MICU2: variants seen among roughly 807,000 people sequenced by gnomAD.
The protein encoded by MICU2 is calcium uptake protein 2, mitochondrial.
A neutral mutation model predicts 60.4 loss-of-function variants in MICU2; 64 were observed. The ratio of observed to expected loss-of-function variants is 1.06; its 90% confidence interval spans 0.87 to 1.31. The LOEUF (loss-of-function observed/expected upper bound fraction) is 1.31. MICU2 is among the 50% of genes most tolerant of loss of function. The pLI is 0.00. For synonymous variants in MICU2, 201 were observed against 175.0 expected (o/e 1.15, Z -1.17); for missense variants, 569 against 531.0 (o/e 1.07, Z -0.70).
At chr13:21,541,004 T>C (rs1024450682) in intron 2 of MICU2, among the ~76,000 whole-genome samples, 6 of 152,186 alleles carry the variant, frequency 3.9e-5, no homozygotes, top group African/African-American at 1.2e-4. Context: ...CAAATAGTCA[T>C]TACCATGTAC....
At chr13:21,569,797 A>T (rs1404235472) in intron 1 of MICU2, among the ~76,000 whole-genome samples, 2 of 149,396 alleles carry the variant, frequency 1.3e-5, no homozygotes, top group Non-Finnish European at 3.0e-5. Context: ...AGTAGACACC[A>T]TTTTTGTCAT....
At chr13:21,574,835 T>G (rs1888187717) in intron 1 of MICU2, among the ~76,000 whole-genome samples, 1 of 152,248 alleles carries the variant, frequency 6.6e-6, no homozygotes, top group Admixed American at 6.5e-5. Context: ...AAGAAACCTT[T>G]ACAATCAGAA....
At chr13:21,534,857 C>T (rs1406700111) in intron 4 of MICU2, among the ~76,000 whole-genome samples, 1 of 152,038 alleles carries the variant, frequency 6.6e-6, no homozygotes, top group African/African-American at 2.4e-5. Context: ...AATGAGAAAG[C>T]ATAAGACTGT....
intron 1 of MICU2, among the ~76,000 whole-genome samples, chr13:21,579,089 A>G (rs908709925): frequency 3.3e-5 from 5 of 152,190 alleles, no homozygotes; most frequent in Non-Finnish European, 7.3e-5. Context: ...CTGTAATGAG[A>G]TATTTCTAAG....
intron 2 of MICU2, among the ~76,000 whole-genome samples, chr13:21,557,551 A>G (rs2798268): frequency 0.35 from 52,686 of 152,092 alleles, 9,500 homozygotes; most frequent in South Asian, 0.4. Flanking sequence ...TTTGCAAAAA[A>G]TCCAAAAAGA....
chr13:21,551,412 C>T (rs4423284), intron 2 of MICU2: 148,641 of 152,480 alleles, frequency 0.97, 72,550 homozygotes, highest in Middle Eastern at 1. Context: ...AGCAAGCACA[C>T]AGACTTCTTT....
chr13:21,587,317 TATTA>T (rs1285759191), intron 1 of MICU2, among the ~76,000 whole-genome samples: 1 of 152,304 alleles, frequency 6.6e-6, no homozygotes, highest in East Asian at 1.9e-4. Flanking sequence ...ACAAAATACT[TATTA>T]ATGAGTATAA....
At chr13:21,507,139 A>C (rs1472610753) in intron 8 of MICU2, among the ~76,000 whole-genome samples, 1 of 152,222 alleles carries the variant, frequency 6.6e-6, no homozygotes, top group Non-Finnish European at 1.5e-5. Flanking sequence ...TCATTTTTAA[A>C]GTTTTTGTTA....
intron 4 of MICU2, among the ~76,000 whole-genome samples, chr13:21,524,513 C>T (rs1886801162): frequency 6.6e-6 from 1 of 152,192 alleles, no homozygotes; most frequent in South Asian, 2.1e-4. Flanking sequence ...TATCAATTTT[C>T]CTGTTTTAGA....
intron 8 of MICU2, among the ~76,000 whole-genome samples, chr13:21,506,812 CCT>C (rs1483347652): frequency 6.6e-6 from 1 of 152,168 alleles, no homozygotes; most frequent in African/African-American, 2.4e-5. Context: ...CTAGCGATAC[CCT>C]GTCACTCCTG....
intron 7 of MICU2, among the ~76,000 whole-genome samples, chr13:21,511,520 A>G (rs718426): frequency 0.32 from 49,068 of 152,054 alleles, 9,108 homozygotes; most frequent in Non-Finnish European, 0.41. Flanking sequence ...TTCACACACA[A>G]TGGTAAGAAA....
At chr13:21,542,062 CT>C (rs1275802424) in intron 2 of MICU2, among the ~76,000 whole-genome samples, 4 of 151,854 alleles carry the variant, frequency 2.6e-5, no homozygotes, top group Non-Finnish European at 5.9e-5. Context: ...GGCAAAGATA[CT>C]AGGAATGAAC....
chr13:21,538,414 T>TA (rs896175506), intron 4 of MICU2, among the ~76,000 whole-genome samples: 5 of 151,034 alleles, frequency 3.3e-5, no homozygotes, highest in African/African-American at 7.3e-5. Context: ...ATACTAAAAT[T>TA]AAAAAAAATT....
At chr13:21,573,425 A>G (rs1888158353) in intron 1 of MICU2, among the ~76,000 whole-genome samples, 1 of 152,072 alleles carries the variant, frequency 6.6e-6, no homozygotes, top group African/African-American at 2.4e-5. Context: ...GGCGCCCGCC[A>G]CCATGCCCGG....
Position 21,499,235 on chromosome 13 carries a change from G to A in MICU2, c.934-3075C>T, listed in dbSNP as rs2138131960. Among the ~76,000 whole-genome samples the A allele has an allele frequency of 1.3e-5, 2 of 152,210 alleles. 1 individual carries two copies. Among genetic ancestry groups the A allele is most frequent in the African/African-American group, 4.8e-5 (2 of 41,538 alleles). Reference sequence around the variant, plus strand: ...CAAAGTGCTGGAATTACAGGTGGGAGCCATAGGCCCGGCCTGAATTTGCAT... The same window carrying A: ...CAAAGTGCTGGAATTACAGGTGGGAACCATAGGCCCGGCCTGAATTTGCAT... On this transcript the variant is annotated intron_variant, in intron 9 of 11. Coordinates refer to ENST00000382374, the MANE Select transcript of MICU2 (RefSeq NM_152726.3).
At chr13:21,600,409 T>C (rs1336195907) in intron 1 of MICU2, among the ~76,000 whole-genome samples, 1 of 152,188 alleles carries the variant, frequency 6.6e-6, no homozygotes, top group Non-Finnish European at 1.5e-5. Context: ...ACCAAGACTT[T>C]GTGAAATACT....
At chr13:21,540,992 C>T (rs1308162650) in intron 2 of MICU2, among the ~76,000 whole-genome samples, 4 of 152,046 alleles carry the variant, frequency 2.6e-5, no homozygotes, top group African/African-American at 7.2e-5. Context: ...AAAGTTACGC[C>T]ACAAATAGTC....
chr13:21,513,131 T>C (rs999683243), intron 7 of MICU2, among the ~76,000 whole-genome samples: 2 of 152,190 alleles, frequency 1.3e-5, no homozygotes, highest in African/African-American at 4.8e-5. Flanking sequence ...TTTTGTTTTG[T>C]GATTTTTTTT....
chr13:21,505,433 C>T (rs1439975675), intron 8 of MICU2, among the ~76,000 whole-genome samples: 1 of 152,104 alleles, frequency 6.6e-6, no homozygotes, highest in Non-Finnish European at 1.5e-5. Context: ...TGACAGAAAA[C>T]TCAATTTTCA....
Sources: gnomAD v4.1 joint callset for allele counts (sites outside exome capture counted in the v4.1 genomes callset) on GRCh38, gnomAD v4.1.1 for gene constraint, MANE v1.5 for transcripts, NCBI Gene and HGNC (gene_info 2026-07-23, HGNC 2026-07-21) for gene names.